The following COL25A1 variants were observed in gnomAD, a reference collection of about 807,000 sequenced individuals.
COL25A1 encodes the protein collagen type XXV alpha 1 chain, also known as collagen alpha-1(XXV) chain.
A neutral mutation model predicts 128.4 loss-of-function variants in COL25A1; 103 were observed. The observed-to-expected ratio is 0.80, with a 90% confidence interval of 0.68 to 0.94. The LOEUF (loss-of-function observed/expected upper bound fraction) is 0.94. Ranked by LOEUF, COL25A1 falls within the 40% of genes least tolerant of loss-of-function variation. The pLI, the probability that COL25A1 is intolerant of heterozygous loss-of-function variation, is 0.00. For missense variants in COL25A1, 745 were observed against 840.0 expected (o/e 0.89, Z 1.40); for synonymous variants, 279 against 277.2 (o/e 1.01, Z -0.06).
At chr4:109,301,135 T>C (rs1725483718) in intron 2 of COL25A1, among the ~76,000 whole-genome samples, 1 of 151,902 alleles carries the variant, frequency 6.6e-6, no homozygotes, top group Admixed American at 6.6e-5. Context: ...CATAGATTCC[T>C]CTCAACTCTC....
At chr4:108,815,382 AAT>A (rs1039558932) in intron 37 of COL25A1, among the ~76,000 whole-genome samples, 1 of 152,196 alleles carries the variant, frequency 6.6e-6, no homozygotes, top group African/African-American at 2.4e-5. Context: ...TAATTTAAAA[AAT>A]AGTTTTATTT....
chr4:109,100,979 A>G (rs931700428), intron 3 of COL25A1, among the ~76,000 whole-genome samples: 1 of 152,204 alleles, frequency 6.6e-6, no homozygotes, highest in Admixed American at 6.5e-5. Flanking sequence ...AAAGTTTACT[A>G]GCTAGCTATT....
At position 109,050,126 on chromosome 4, in the gene COL25A1, G is replaced by A. The variant is rs201278912; in HGVS notation, c.412+9C>T. ...TGAGTGACACAGAGCAGCTGAAAGA[G>A]AGACTTACCAGATTCTCCTCTTCGG... On this transcript the variant is annotated intron_variant, in intron 4 of 37. Transcript: ENST00000399132. 1,836 of 1,608,034 alleles carry A rather than the reference G, an allele frequency of 1.1e-3. 2 individuals are homozygous for A. Among genetic ancestry groups the A allele is most frequent in the Non-Finnish European group, 1.4e-3 (1,624 of 1,176,056 alleles).
chr4:109,035,812 G>A (rs140694115), intron 5 of COL25A1, among the ~76,000 whole-genome samples: 24 of 152,144 alleles, frequency 1.6e-4, no homozygotes, highest in African/African-American at 5.8e-4. Context: ...TGTTTAAAAT[G>A]TTCCAACAAT....
In COL25A1 at chr4:108,889,209, TAG is replaced by T; in HGVS notation, c.975+10_975+11del. ...TGAGACAGTAGGAACACACTAGAGA[TAG>T]AGATATTACCTTTTGCCCTGGACGA... On this transcript the variant is annotated intron_variant, in intron 18 of 37. Coordinates refer to ENST00000399132, the MANE Select transcript of COL25A1 (RefSeq NM_198721.4). 1 of 1,611,210 alleles carries T rather than the reference TAG, an allele frequency of 6.2e-7. No homozygotes were observed. Among genetic ancestry groups the T allele is most frequent in the Non-Finnish European group, 8.5e-7 (1 of 1,177,426 alleles).
chr4:109,127,313 C>T (rs1011830858), intron 3 of COL25A1, among the ~76,000 whole-genome samples: 1 of 152,046 alleles, frequency 6.6e-6, no homozygotes. Flanking sequence ...ATTATTCTTT[C>T]CAATACTCAA....
chr4:108,990,131 G>A (rs1408786586), intron 6 of COL25A1, among the ~76,000 whole-genome samples: 2 of 142,562 alleles, frequency 1.4e-5, no homozygotes, highest in East Asian at 4.3e-4. Context: ...AGAATCGCTT[G>A]AATCCGGGAG....
Position 109,048,160 on chromosome 4 carries a change from A to T in COL25A1, c.420+8T>A. ...GCAAACAAGCCAAAGTGCAGCAAAC[A>T]TACTTACAGGAGGACCTATGGGGGG... is the stretch of plus-strand genomic sequence containing the variant. On this transcript the variant is annotated splice_region_variant and intron_variant, in intron 5 of 37. Transcript: ENST00000399132. 1 of 1,613,094 alleles carries T rather than the reference A, an allele frequency of 6.2e-7. No homozygotes were observed. Among genetic ancestry groups the T allele is most frequent in the Non-Finnish European group, 8.5e-7 (1 of 1,179,132 alleles).
intron 3 of COL25A1, among the ~76,000 whole-genome samples, chr4:109,068,486 A>T (rs1425134872): frequency 6.6e-6 from 1 of 152,100 alleles, no homozygotes; most frequent in African/African-American, 2.4e-5. Flanking sequence ...GCAAAATCGG[A>T]GGGAAAGCAA....
chr4:109,210,253 C>T, intron 3 of COL25A1, among the ~76,000 whole-genome samples: 1 of 151,976 alleles, frequency 6.6e-6, no homozygotes, highest in Admixed American at 6.6e-5. Context: ...TCAAAAAACT[C>T]CATTTTATAT....
intron 15 of COL25A1, among the ~76,000 whole-genome samples, chr4:108,897,087 A>G (rs1042181206): frequency 6.6e-6 from 1 of 152,068 alleles, no homozygotes; most frequent in Non-Finnish European, 1.5e-5. Context: ...GGCCTTCTTC[A>G]TATCATTCCT....
chr4:109,284,738 A>T (rs1723707959), intron 3 of COL25A1, among the ~76,000 whole-genome samples: 1 of 152,120 alleles, frequency 6.6e-6, no homozygotes, highest in Non-Finnish European at 1.5e-5. Flanking sequence ...AATTATTCCA[A>T]CAAATTCTGA....
At chr4:108,906,494 T>C (rs142654158) in intron 13 of COL25A1, among the ~76,000 whole-genome samples, 146 of 152,302 alleles carry the variant, frequency 9.6e-4, no homozygotes, top group African/African-American at 3.3e-3. Context: ...AACTGCCGCC[T>C]AAGATACAAC....
At chr4:108,995,814 C>T (rs1433782605) in intron 6 of COL25A1, among the ~76,000 whole-genome samples, 1 of 152,152 alleles carries the variant, frequency 6.6e-6, no homozygotes, top group Non-Finnish European at 1.5e-5. Flanking sequence ...GGCCAATATT[C>T]AACATTCTTA....
At chr4:108,843,789 A>G (rs979842676) in intron 30 of COL25A1, among the ~76,000 whole-genome samples, 2 of 152,184 alleles carry the variant, frequency 1.3e-5, no homozygotes, top group African/African-American at 4.8e-5. Flanking sequence ...ATATAGTGTG[A>G]TATTTTGATA....
chr4:109,182,422 G>C (rs1339094319), intron 3 of COL25A1, among the ~76,000 whole-genome samples: 1 of 152,084 alleles, frequency 6.6e-6, no homozygotes, highest in Non-Finnish European at 1.5e-5. Context: ...ACTAAGGAAG[G>C]CAAAGGGTAA....
chr4:109,117,879 G>C (rs1416488208), intron 3 of COL25A1, among the ~76,000 whole-genome samples: 2 of 151,630 alleles, frequency 1.3e-5, no homozygotes, highest in Non-Finnish European at 2.9e-5. Flanking sequence ...GCAAACTCTG[G>C]AGCAACTACT....
At chr4:109,214,138 G>A (rs957526795) in intron 3 of COL25A1, among the ~76,000 whole-genome samples, 2 of 151,948 alleles carry the variant, frequency 1.3e-5, no homozygotes, top group Non-Finnish European at 2.9e-5. Flanking sequence ...TTATGAAAGG[G>A]AATAAAACTT....
At chr4:108,946,795 T>C (rs1304301563) in intron 8 of COL25A1, among the ~76,000 whole-genome samples, 2 of 151,930 alleles carry the variant, frequency 1.3e-5, no homozygotes, top group African/African-American at 4.8e-5. Flanking sequence ...GGGCTGGAGG[T>C]TGGTACAGGA....
Sources: allele counts gnomAD v4.1 joint callset (sites outside exome capture counted in the v4.1 genomes callset), GRCh38; gene constraint gnomAD v4.1.1; transcripts MANE v1.5; gene names NCBI Gene and HGNC (gene_info 2026-07-23, HGNC 2026-07-21).